Variants in FNIP1 observed in about 807,000 individuals in gnomAD.
FNIP1 encodes folliculin-interacting protein 1.
FNIP1 carries 40 observed loss-of-function variants against 124.5 expected under a neutral mutation model. The observed-to-expected ratio is 0.32, with a 90% CI of 0.25 to 0.42. The LOEUF is 0.42. FNIP1 is among the 10% of genes least tolerant of loss of function. The pLI, the probability that FNIP1 is intolerant of heterozygous loss-of-function variation, is 1.00. For missense variants in FNIP1, 1,176 were observed against 1,403.7 expected, an observed-to-expected ratio of 0.84 and a Z score of 2.59; for synonymous variants, 472 against 470.6, an observed-to-expected ratio of 1.00 and a Z score of -0.04.
chr5:131,652,036 A>C, intron 15 of FNIP1, 37 bp from the exon 16 acceptor site: 1 of 1,575,592 alleles, frequency 6.3e-7, no homozygotes, highest in Non-Finnish European at 8.6e-7. Context: ...ATGTTTAGCA[A>C]ATGAAGTTTC....
chr5:131,705,606 T>C lies in FNIP1; in HGVS notation c.914+805A>G, dbSNP rs1008980778. The stretch of plus-strand genomic sequence containing the variant: ...CAGAAAATAAGTGCTGGTGAAGATA[T>C]GGAGAAATTGGAACCATTGTGCATT... On this transcript the variant is annotated intron_variant, in intron 9 of 17. Coordinates refer to ENST00000510461, the MANE Select transcript of FNIP1 (RefSeq NM_133372.3). Among the ~76,000 whole-genome samples, 7 of 152,160 alleles carry C rather than the reference T, an allele frequency of 4.6e-5. No individual in the cohort carries two copies. The South Asian group carries it at 8.3e-4, about 18-fold the overall frequency.
At chr5:131,763,535 G>A (rs1288757934) in intron 1 of FNIP1, among the ~76,000 whole-genome samples, 3 of 152,060 alleles carry the variant, frequency 2.0e-5, no homozygotes, top group African/African-American at 4.8e-5. Context: ...GGAGAAAGGC[G>A]AAGAAGGAGG....
intron 2 of FNIP1, among the ~76,000 whole-genome samples, chr5:131,740,855 G>A (rs1770489815): frequency 6.6e-6 from 1 of 152,118 alleles, no homozygotes; most frequent in African/African-American, 2.4e-5. Context: ...AAAGAAGCTG[G>A]CTAAAATGCA....
At chr5:131,684,438 G>A (rs1768200465) in intron 11 of FNIP1, among the ~76,000 whole-genome samples, 1 of 152,094 alleles carries the variant, frequency 6.6e-6, no homozygotes, top group African/African-American at 2.4e-5. Context: ...ACCTCCTATT[G>A]AAAATTATAA....
rs1368886450 is a variant in FNIP1 at position 131,796,865 on chromosome 5, G to C, written c.57C>G (p.Pro19=). The C allele has an allele frequency of 1.9e-6, 3 of 1,606,912 alleles. No homozygotes were observed. In the African/African-American group the frequency reaches 4.0e-5, roughly 21 times the overall value. ...LFSKRTGLGA[P]GRDARDPDCG... ...AATCTGGGTCCCGGGCGTCGCGGCC[G>C]GGCGCGCCCAGCCCGGTCCTCTTGC... is the stretch of plus-strand genomic sequence containing the variant. Residue 19 remains proline, a synonymous_variant, in exon 1 of 18, where the codon CCC becomes CCG. Transcript: ENST00000510461.
At chr5:131,681,147 C>A (rs541969267) in intron 11 of FNIP1, among the ~76,000 whole-genome samples, 1 of 152,278 alleles carries the variant, frequency 6.6e-6, no homozygotes, top group South Asian at 2.1e-4. Flanking sequence ...CGAGGAATGA[C>A]CTTTTCCAAA....
intron 2 of FNIP1, among the ~76,000 whole-genome samples, chr5:131,738,795 G>A (rs1430206748): frequency 6.6e-6 from 1 of 151,228 alleles, no homozygotes; most frequent in African/African-American, 2.4e-5. Context: ...TTACAGGCAT[G>A]AGCCACTGCA....
At chr5:131,782,982 G>A (rs1324677178) in intron 1 of FNIP1, among the ~76,000 whole-genome samples, 4 of 152,202 alleles carry the variant, frequency 2.6e-5, no homozygotes, top group African/African-American at 9.6e-5. Flanking sequence ...AGTATTTCTA[G>A]ATTAAAGTTA....
At chr5:131,654,500 T>C (rs1767134372) in intron 15 of FNIP1, among the ~76,000 whole-genome samples, 1 of 152,152 alleles carries the variant, frequency 6.6e-6, no homozygotes, top group East Asian at 1.9e-4. Flanking sequence ...ACAACTACTC[T>C]GAATAAAGCT....
intron 17 of FNIP1, 91 bp downstream of exon 17, chr5:131,646,999 A>G (rs1766903328): frequency 1.9e-6 from 2 of 1,051,916 alleles, no homozygotes; most frequent in South Asian, 2.6e-5. Flanking sequence ...AGGAGAAGAC[A>G]CGTAAAAGGA....
intron 3 of FNIP1, among the ~76,000 whole-genome samples, chr5:131,729,575 C>G (rs1477042644): frequency 6.6e-6 from 1 of 152,152 alleles, no homozygotes; most frequent in Non-Finnish European, 1.5e-5. Context: ...TTGCCAGCCA[C>G]CCTATATACA....
At chr5:131,758,046 T>A (rs894095825) in intron 1 of FNIP1, among the ~76,000 whole-genome samples, 4 of 152,156 alleles carry the variant, frequency 2.6e-5, no homozygotes, top group Admixed American at 2.0e-4. Context: ...TAGAAAGAAG[T>A]TGTGACATGG....
At chr5:131,734,419 A>T (rs994819504) in intron 2 of FNIP1, among the ~76,000 whole-genome samples, 2 of 152,146 alleles carry the variant, frequency 1.3e-5, no homozygotes, top group African/African-American at 2.4e-5. Context: ...TCATGTCTAC[A>T]TCACCAAAAG....
chr5:131,675,279 A>G (rs1360402036), intron 13 of FNIP1, among the ~76,000 whole-genome samples: 1 of 152,190 alleles, frequency 6.6e-6, no homozygotes, highest in East Asian at 1.9e-4. Flanking sequence ...AACTCTCACT[A>G]AACTTTTCAT....
intron 11 of FNIP1, among the ~76,000 whole-genome samples, chr5:131,681,982 T>C (rs1468471862): frequency 6.6e-6 from 1 of 152,132 alleles, no homozygotes; most frequent in Non-Finnish European, 1.5e-5. Context: ...TTTAATAATA[T>C]GGAAGTAAAT....
chr5:131,667,518 C>T (rs1004351213), intron 15 of FNIP1, among the ~76,000 whole-genome samples: 2 of 152,198 alleles, frequency 1.3e-5, no homozygotes, highest in African/African-American at 4.8e-5. Flanking sequence ...CTGTTGCTCA[C>T]TAAGCCACAT....
rs934472776 is a variant in FNIP1 at position 131,641,894 on chromosome 5, G to T, written c.*2791C>A. On this transcript the variant is annotated 3_prime_UTR_variant, in exon 18 of 18. Coordinates refer to ENST00000510461, the MANE Select transcript of FNIP1 (RefSeq NM_133372.3). ...GACATCTACCAGAAGTAGGCATTAT[G>T]TAAAATCTGTTTTTTTAAGTGATCA... 21 of 152,674 alleles carry T rather than the reference G, an allele frequency of 1.4e-4. No homozygotes were observed. Among genetic ancestry groups the T allele is most frequent in the African/African-American group, 4.8e-4 (20 of 41,426 alleles). The allele number at this position is 152,674 out of a possible 1,614,324, so 9.5% of individuals were successfully genotyped here.
intron 1 of FNIP1, among the ~76,000 whole-genome samples, chr5:131,764,077 C>A (rs957210065): frequency 6.6e-6 from 1 of 151,846 alleles, no homozygotes; most frequent in Non-Finnish European, 1.5e-5. Context: ...GCGTGTGGTA[C>A]GCCCCCTTGC....
chr5:131,762,616 G>A (rs1771268580), intron 1 of FNIP1, among the ~76,000 whole-genome samples: 1 of 152,192 alleles, frequency 6.6e-6, no homozygotes, highest in Non-Finnish European at 1.5e-5. Context: ...TGGTGAGGAT[G>A]TAGAGAAAAG....
Sources: allele counts gnomAD v4.1 joint callset (sites outside exome capture counted in the v4.1 genomes callset), GRCh38; gene constraint gnomAD v4.1.1; transcripts MANE v1.5; gene names NCBI Gene and HGNC (gene_info 2026-07-23, HGNC 2026-07-21).